OCSTAMP: variants seen among roughly 807,000 people sequenced by gnomAD.
The protein encoded by OCSTAMP is transmembrane protein C20orf123.
A neutral mutation model predicts 25.2 loss-of-function variants in OCSTAMP; 17 were observed. The observed-to-expected ratio is 0.68, with a 90% CI of 0.46 to 1.01. The LOEUF (loss-of-function observed/expected upper bound fraction) is 1.01. Among genes scored for constraint, OCSTAMP ranks in the 50% least tolerant of loss-of-function variants. The pLI is 0.00. For synonymous variants in OCSTAMP, 345 were observed against 318.9 expected (o/e 1.08, Z -0.87); for missense variants, 664 against 694.6 (o/e 0.96, Z 0.50).
At chr20:46,549,637 G>A (rs2061864093) in intron 1 of OCSTAMP, among the ~76,000 whole-genome samples, 1 of 152,092 alleles carries the variant, frequency 6.6e-6, no homozygotes, top group African/African-American at 2.4e-5. Context: ...CTGACAGAAG[G>A]AACAGCGTGT....
chr20:46,546,159 G>T lies in OCSTAMP; in HGVS notation c.215C>A (p.Ser72Tyr). Residue 72 changes from serine (S) to tyrosine (Y), a missense_variant, in exon 2 of 3, where the codon TCC (serine) becomes TAC (tyrosine). Coordinates refer to ENST00000279028, the MANE Select transcript of OCSTAMP (RefSeq NM_080721.3). ...AAGLVYHWLA[S>Y]LLLYPPGPSA... is the part of the protein sequence containing the mutation. ...AGGTCCAGGAGGATAAAGCAGCAAG[G>T]ATGCCAGCCAGTGATAAACCAGACC... 6.4e-7 allele frequency: 1 copy of T among 1,551,780 alleles called. No individual in the cohort carries two copies. The highest frequency in any genetic ancestry group is 1.2e-5 in the South Asian group (1 of 84,064).
rs915534813 is a variant in OCSTAMP at position 46,543,382 on chromosome 20, G to A, written c.1048-1455C>T. On this transcript the variant is annotated intron_variant, in intron 2 of 2. Transcript: ENST00000279028. Reference sequence around the variant, plus strand: ...GAGTCTTGCTGGCTCAGGTTGGAGTGCAGTGGAGCAATCTCAATTCACTGC... The same window carrying A: ...GAGTCTTGCTGGCTCAGGTTGGAGTACAGTGGAGCAATCTCAATTCACTGC... Among the ~76,000 whole-genome samples the A allele has an allele frequency of 2.2e-5, 3 of 136,600 alleles. No homozygotes were observed. The Admixed American group carries it at 2.2e-4, about 10-fold the overall frequency. 89.6% of individuals were successfully genotyped at this position (136,600 alleles called of 152,430 possible).
chr20:46,541,631 C>G lies in OCSTAMP; in HGVS notation c.1344G>C (p.Arg448=), dbSNP rs781298538. The change falls in exon 3 of 3, where the codon CGG becomes CGC. Residue 448 remains arginine (R), a synonymous_variant. Coordinates refer to ENST00000279028, the MANE Select transcript of OCSTAMP (RefSeq NM_080721.3). Reference sequence around the variant, plus strand: ...GGTGCCTGTCGTGTCTTCGCTGGAGCCGGGCGTGCAGGTGGCGGACCCTCC... The same window carrying G: ...GGTGCCTGTCGTGTCTTCGCTGGAGGCGGGCGTGCAGGTGGCGGACCCTCC... ...EARRVRHLHA[R]LQRRHDRHQG... 8 of 1,551,214 alleles carry G rather than the reference C, an allele frequency of 5.2e-6. No individual in the cohort carries two copies. The highest frequency in any genetic ancestry group is 7.0e-6 in the Non-Finnish European group (8 of 1,146,982).
In OCSTAMP at chr20:46,550,525, G is replaced by A. The variant is rs371342152; in HGVS notation, c.36C>T (p.Val12=). The A allele has an allele frequency of 1.1e-4, 168 of 1,551,566 alleles. No individual in the cohort carries two copies. Among genetic ancestry groups the A allele is most frequent in the Non-Finnish European group, 1.3e-4 (154 of 1,146,978 alleles). Residue 12 remains valine (V), a synonymous_variant, in exon 1 of 3, where the codon GTC becomes GTT. Transcript: ENST00000279028. ...AAAGTCCCCAGACCTACCCGGTCTTGACAAGTTGCTCAGCTGCTCCTGGGT... is the reference window on the plus strand; with the variant it reads ...AAAGTCCCCAGACCTACCCGGTCTTAACAAGTTGCTCAGCTGCTCCTGGGT... ...PGHPGAAEQL[V]KTGWRSWHLG...
chr20:46,544,059 A>G (rs1333523055), intron 2 of OCSTAMP, among the ~76,000 whole-genome samples: 1 of 152,078 alleles, frequency 6.6e-6, no homozygotes, highest in Admixed American at 6.5e-5. Flanking sequence ...AAATATTAAA[A>G]ATTAACTGGG....
chr20:46,547,924 C>A (rs1351936746), intron 1 of OCSTAMP, among the ~76,000 whole-genome samples: 1 of 152,048 alleles, frequency 6.6e-6, no homozygotes, highest in Non-Finnish European at 1.5e-5. Context: ...GGAGTGACAC[C>A]TGTAGGGGTG....
At chr20:46,548,829 G>A (rs545523937) in intron 1 of OCSTAMP, among the ~76,000 whole-genome samples, 1 of 152,274 alleles carries the variant, frequency 6.6e-6, no homozygotes, top group East Asian at 1.9e-4. Flanking sequence ...ACCGTGACTG[G>A]TGCAGGGATT....
chr20:46,541,643 G>A lies in OCSTAMP; in HGVS notation c.1332C>T (p.His444=), dbSNP rs140873533. The A allele has an allele frequency of 5.9e-4, 912 of 1,551,200 alleles. 3 individuals carry two copies. The highest frequency in any genetic ancestry group is 4.0e-3 in the Middle Eastern group (24 of 5,988). ...GTCTTCGCTGGAGCCGGGCGTGCAG[G>A]TGGCGGACCCTCCTCGCCTCCTGGG... ...FTAQEARRVR[H]LHARLQRRHD... The change falls in exon 3 of 3, where the codon CAC becomes CAT. Residue 444 remains histidine, a synonymous_variant. Transcript: ENST00000279028.
Position 46,545,938 on chromosome 20 carries a change from C to T in OCSTAMP, c.436G>A (p.Gly146Arg), listed in dbSNP as rs1471460577. The change falls in exon 2 of 3, where the codon GGG becomes AGG. Residue 146 changes from glycine to arginine, a missense_variant. Coordinates refer to ENST00000279028, the MANE Select transcript of OCSTAMP (RefSeq NM_080721.3). ...TCGGTGACACACCTCAGCACCTGCC[C>T]GGCCGCACCCACGTTGGCCAGGACG... ...PNVLANVGAA[G>R]QVLRCVTEGS... is the part of the protein sequence containing the mutation. The T allele has an allele frequency of 3.5e-5, 54 of 1,551,364 alleles. No individual in the cohort carries two copies. Among genetic ancestry groups the T allele is most frequent in the Middle Eastern group, 1.7e-4 (1 of 5,986 alleles).
intron 2 of OCSTAMP, among the ~76,000 whole-genome samples, chr20:46,543,201 T>C (rs1457221570): frequency 6.6e-6 from 1 of 151,310 alleles, no homozygotes; most frequent in Admixed American, 6.6e-5. Flanking sequence ...TCTCATTCCT[T>C]CCTTTTTTCT....
chr20:46,547,866 T>C (rs2061857762), intron 1 of OCSTAMP, among the ~76,000 whole-genome samples: 1 of 152,164 alleles, frequency 6.6e-6, no homozygotes, highest in South Asian at 2.1e-4. Flanking sequence ...TGTTTGCAGG[T>C]GGGAGATCTC....
At chr20:46,549,368 A>G (rs1283629456) in intron 1 of OCSTAMP, among the ~76,000 whole-genome samples, 18 of 152,320 alleles carry the variant, frequency 1.2e-4, no homozygotes, top group Non-Finnish European at 4.4e-5. Context: ...ACCCCTGTGG[A>G]CACAAAGATG....
rs6066015 is a variant in OCSTAMP, at chr20:46,541,290, T to C, written c.1685A>G (p.His562Arg). ...CTTTACCGGTTATCCAGGCCTATCA[T>C]GCCCAGTATTTCCTTCCATCCTGAC... ...DVVRMEGNTG[H>R]DRPG The change falls in exon 3 of 3, where the codon CAT becomes CGT. Residue 562 changes from histidine to arginine, a missense_variant. Transcript: ENST00000279028. The C allele has an allele frequency of 5.5e-6, 4 of 723,326 alleles. No homozygotes were observed. In the East Asian group the frequency reaches 1.1e-4, roughly 19 times the overall value. The allele number at this position is 723,326 out of a possible 1,614,324, so 44.8% of individuals were successfully genotyped here. A position where few individuals can be genotyped will look rare whatever the true frequency, so the allele number is the denominator to read the frequency against.
At chr20:46,543,530 T>C (rs901661665) in intron 2 of OCSTAMP, among the ~76,000 whole-genome samples, 2 of 151,824 alleles carry the variant, frequency 1.3e-5, no homozygotes, top group African/African-American at 2.4e-5. Flanking sequence ...GGTTTCACCA[T>C]GTTGTTGGCC....
At chr20:46,542,700 T>C (rs1269293408) in intron 2 of OCSTAMP, among the ~76,000 whole-genome samples, 2 of 151,794 alleles carry the variant, frequency 1.3e-5, no homozygotes, top group African/African-American at 2.4e-5. Context: ...GCAGTTTCCA[T>C]AGGTATGTCC....
intron 1 of OCSTAMP, among the ~76,000 whole-genome samples, chr20:46,548,573 TG>T (rs1242698747): frequency 2.0e-5 from 3 of 152,128 alleles, no homozygotes; most frequent in Non-Finnish European, 2.9e-5. Context: ...ACAAACGAAC[TG>T]GGGCAATAAC....
intron 2 of OCSTAMP, among the ~76,000 whole-genome samples, chr20:46,543,323 T>TTTCTTTCTTTCTTTCTTTCTTTCC: frequency 6.8e-6 from 1 of 147,650 alleles, no homozygotes; most frequent in African/African-American, 2.5e-5. Flanking sequence ...TCTTTCTTTC[T>TTTCTTTCTTTCTTTCTTTCTTTCC]TTCTTTCTTC....
Position 46,545,875 on chromosome 20 carries a change from G to T in OCSTAMP, c.499C>A (p.Leu167Met). The change falls in exon 2 of 3, where the codon CTG becomes ATG. Residue 167 changes from leucine to methionine, a missense_variant. Physicochemically the swap from Leu to Met is conservative, Grantham distance 15 (BLOSUM62 2). Coordinates refer to ENST00000279028, the MANE Select transcript of OCSTAMP (RefSeq NM_080721.3). ...CCCAGAGCCCTGGATGCTGCATGCA[G>T]CTGGTGAGTGGTATTGAGGAGACTC... ...LESLLNTTHQ[L>M]HAASRALGPT... 1 of 1,551,352 alleles carries T rather than the reference G, an allele frequency of 6.4e-7. No homozygotes were observed.
At chr20:46,545,061 T>C (rs888038446) in intron 2 of OCSTAMP, among the ~76,000 whole-genome samples, 1 of 152,202 alleles carries the variant, frequency 6.6e-6, no homozygotes, top group Non-Finnish European at 1.5e-5. Context: ...CTGCCACTTG[T>C]GAAGGGTGAC....
Sources: gnomAD v4.1 joint callset for allele counts (sites outside exome capture counted in the v4.1 genomes callset) on GRCh38, gnomAD v4.1.1 for gene constraint, MANE v1.5 for transcripts, NCBI Gene and HGNC (gene_info 2026-07-23, HGNC 2026-07-21) for gene names.